The following CD8B variants were observed in gnomAD, a reference collection of about 807,000 sequenced individuals.
CD8B encodes CD8 subunit beta, also known as T-cell surface glycoprotein CD8 beta chain.
A neutral mutation model predicts 24.2 loss-of-function variants in CD8B; 6 were observed. That is an observed-to-expected ratio of 0.25 (90% CI 0.14 to 0.49). The LOEUF (loss-of-function observed/expected upper bound fraction) is 0.49, where lower values mean the gene tolerates loss of function less well. Among genes scored for constraint, CD8B ranks in the 20% least tolerant of loss-of-function variants. The pLI, the probability that CD8B is intolerant of heterozygous loss-of-function variation, is 0.98. For missense variants in CD8B, 196 were observed against 271.3 expected (o/e 0.72, Z 1.95); for synonymous variants, 84 against 108.3 (o/e 0.78, Z 1.39).
At chr2:86,815,868 T>C in intron 5 of CD8B, 2 of 639,318 alleles carry the variant, frequency 3.1e-6, no homozygotes, top group East Asian at 2.6e-5. Flanking sequence ...ATATAGCACT[T>C]GATAGGCCTA....
intron 5 of CD8B, chr2:86,832,878 G>C (rs1331530863): frequency 2.3e-5 from 4 of 172,894 alleles, no homozygotes; most frequent in African/African-American, 9.7e-5. Flanking sequence ...CCTTTTCCAG[G>C]GGAAAGTTTT....
chr2:86,858,455 T>C (rs1472862536), intron 1 of CD8B, 39 bp from the exon 2 acceptor site: 1 of 1,546,394 alleles, frequency 6.5e-7, no homozygotes, highest in African/African-American at 1.4e-5. Context: ...CACATTTTCC[T>C]AGCCACAGCT....
At chr2:86,828,974 C>A (rs1301469730) in intron 5 of CD8B, among the ~76,000 whole-genome samples, 1 of 150,346 alleles carries the variant, frequency 6.7e-6, no homozygotes, top group Non-Finnish European at 1.5e-5. Context: ...GCCTGGCTGT[C>A]AGTGTAATAC....
chr2:86,848,702 T>TTAATTATTTATTTATTTATA (rs1483974179), intron 3 of CD8B, among the ~76,000 whole-genome samples: 3 of 23,168 alleles, frequency 1.3e-4, no homozygotes, highest in Admixed American at 1.1e-3. Flanking sequence ...TATTTTTAAA[T>TTAATTATTTATTTATTTATA]TATTTATTTA....
intron 2 of CD8B, among the ~76,000 whole-genome samples, chr2:86,856,261 G>C (rs1166075609): frequency 6.6e-6 from 1 of 152,118 alleles, no homozygotes; most frequent in South Asian, 2.1e-4. Flanking sequence ...GGAGGCGGTG[G>C]GAAGCTCTGG....
chr2:86,829,732 A>G (rs1674834238), intron 5 of CD8B, among the ~76,000 whole-genome samples: 2 of 152,014 alleles, frequency 1.3e-5, no homozygotes, highest in South Asian at 2.1e-4. Flanking sequence ...CTGCCTGCCT[A>G]TTGTCCCTCT....
intron 5 of CD8B, among the ~76,000 whole-genome samples, chr2:86,823,972 G>C (rs1032004195): frequency 6.6e-6 from 1 of 151,850 alleles, no homozygotes; most frequent in Admixed American, 6.6e-5. Context: ...GCTGGAGGAC[G>C]GAAGGGCCTT....
At chr2:86,821,857 A>G (rs1441498283) in intron 5 of CD8B, 3 of 291,230 alleles carry the variant, frequency 1.0e-5, no homozygotes, top group African/African-American at 4.4e-5. Flanking sequence ...CCCCCTGGTT[A>G]ATTCCTTCGC....
intron 2 of CD8B, among the ~76,000 whole-genome samples, chr2:86,857,247 C>T (rs543951512): frequency 6.6e-6 from 1 of 152,320 alleles, no homozygotes; most frequent in East Asian, 1.9e-4. Context: ...ATAAGGGCAC[C>T]TGCCCCTAGA....
downstream of CD8B, among the ~76,000 whole-genome samples, chr2:86,836,946 A>G (rs146984411): frequency 0.067 from 10,171 of 152,288 alleles, 415 homozygotes; most frequent in Non-Finnish European, 0.091. Context: ...GCTTGAGCCC[A>G]GGAGTTCAAG....
intron 3 of CD8B, among the ~76,000 whole-genome samples, chr2:86,851,632 G>A (rs61545091): frequency 0.019 from 2,855 of 152,260 alleles, 93 homozygotes; most frequent in African/African-American, 0.065. Flanking sequence ...AATTTCTGGT[G>A]CTTAAAATAT....
chr2:86,841,869 C>T lies in CD8B; in HGVS notation c.*438G>A, dbSNP rs1675445696. ...TGGCCTCTCTGCGAGGAAGGTCAGC[C>T]CCAGCCTGGGAAGACCAAGAGGGAG... is the stretch of plus-strand genomic sequence containing the variant. On this transcript the variant is annotated 3_prime_UTR_variant, in exon 6 of 6. Transcript: ENST00000390655. The T allele has an allele frequency of 5.1e-6, 5 of 987,118 alleles. No homozygotes were observed. In the South Asian group the frequency reaches 1.9e-4, roughly 37 times the overall value. 61.1% of individuals were successfully genotyped at this position (987,118 alleles called of 1,614,324 possible).
At chr2:86,817,111 C>A (rs974635514) in intron 5 of CD8B, among the ~76,000 whole-genome samples, 3 of 152,198 alleles carry the variant, frequency 2.0e-5, no homozygotes, top group South Asian at 2.1e-4. Context: ...CAACCAATAT[C>A]ATTTTATATT....
chr2:86,857,745 TA>T (rs1322497857), intron 2 of CD8B, among the ~76,000 whole-genome samples: 1 of 151,962 alleles, frequency 6.6e-6, no homozygotes, highest in Non-Finnish European at 1.5e-5. Flanking sequence ...AATAAATAAA[TA>T]AAAAAGAGAA....
intron 2 of CD8B, among the ~76,000 whole-genome samples, chr2:86,855,866 G>C (rs1676212075): frequency 6.6e-6 from 1 of 152,232 alleles, no homozygotes; most frequent in Non-Finnish European, 1.5e-5. Context: ...GGGTCTAGTG[G>C]GAGACTCAGG....
chr2:86,859,765 G>A (rs1676473547), intron 1 of CD8B, among the ~76,000 whole-genome samples: 1 of 151,138 alleles, frequency 6.6e-6, no homozygotes, highest in African/African-American at 2.4e-5. Flanking sequence ...GGCACAGAGA[G>A]GACACAGACC....
intron 2 of CD8B, among the ~76,000 whole-genome samples, chr2:86,855,151 G>A (rs1253036080): frequency 6.6e-6 from 1 of 152,062 alleles, no homozygotes; most frequent in Non-Finnish European, 1.5e-5. Flanking sequence ...TTGTAAGGGG[G>A]AACAGGCAGG....
At chr2:86,849,630 A>C (rs1196256823) in intron 3 of CD8B, among the ~76,000 whole-genome samples, 3 of 151,746 alleles carry the variant, frequency 2.0e-5, no homozygotes, top group Non-Finnish European at 4.4e-5. Context: ...TGGTAAATTT[A>C]CCCAAAATCA....
rs1675261726 is a variant in CD8B at position 86,838,344 on chromosome 2, G to T, written c.*3963C>A. Among the ~76,000 whole-genome samples the T allele has an allele frequency of 6.6e-6, 1 of 152,004 alleles. No homozygotes were observed. The highest frequency in any genetic ancestry group is 1.5e-5 in the Non-Finnish European group (1 of 68,006). ...GTACATATACAAACAAATATACCCG[G>T]AGGCCTTGATTTATTATTAGAGAAA... On this transcript the variant is annotated 3_prime_UTR_variant, in exon 6 of 6. Coordinates refer to ENST00000390655, the MANE Select transcript of CD8B (RefSeq NM_004931.5).
Sources: gnomAD v4.1 joint callset for allele counts (sites outside exome capture counted in the v4.1 genomes callset) on GRCh38, gnomAD v4.1.1 for gene constraint, MANE v1.5 for transcripts, NCBI Gene and HGNC (gene_info 2026-07-23, HGNC 2026-07-21) for gene names.